SND1: variants seen among roughly 807,000 people sequenced by gnomAD.
SND1 encodes the protein staphylococcal nuclease domain-containing protein 1.
In SND1, 38 loss-of-function variants were observed where a neutral mutation model predicts 121.7. That is an observed-to-expected ratio of 0.31 (90% CI 0.24 to 0.41). The LOEUF is 0.41. SND1 is among the 10% of genes least tolerant of loss of function. The pLI is 1.00. For synonymous variants in SND1, 401 were observed against 447.4 expected (o/e 0.90, Z 1.31); for missense variants, 868 against 1,184.6 (o/e 0.73, Z 3.92).
chr7:127,690,388 C>T (rs1000812180), intron 2 of SND1, among the ~76,000 whole-genome samples: 1 of 152,206 alleles, frequency 6.6e-6, no homozygotes, highest in Non-Finnish European at 1.5e-5. Flanking sequence ...TGGGGTCCTG[C>T]CTTCTGCCCT....
In SND1 at chr7:127,866,053, G is replaced by A. The variant is rs565512951; in HGVS notation, c.1343+21629G>A. 4.7e-4 allele frequency among the ~76,000 whole-genome samples: 71 copies of A among 152,008 alleles called. 1 individual carries two copies. The South Asian group carries it at 0.014, about 30-fold the overall frequency. ...TCCAGTGTGCCCAAGAATCACCTGT[G>A]TAGTTTATTAAAATACAACCTAAGC... On this transcript the variant is annotated intron_variant, in intron 12 of 23. Transcript: ENST00000354725.
intron 10 of SND1, among the ~76,000 whole-genome samples, chr7:127,792,431 CAGAA>C (rs1797927282): frequency 6.6e-6 from 1 of 152,052 alleles, no homozygotes; most frequent in Admixed American, 6.5e-5. Context: ...AGTAAGGAGA[CAGAA>C]AGCACACCAG....
intron 16 of SND1, among the ~76,000 whole-genome samples, chr7:128,019,189 C>A (rs912443316): frequency 1.3e-5 from 2 of 152,184 alleles, no homozygotes; most frequent in African/African-American, 4.8e-5. Flanking sequence ...GAGAATCTGC[C>A]CATGATGGGT....
chr7:127,968,762 G>GC, intron 15 of SND1, among the ~76,000 whole-genome samples: 1 of 152,274 alleles, frequency 6.6e-6, no homozygotes, highest in South Asian at 2.1e-4. Context: ...ACTGGCTTGT[G>GC]CTCTCCCAAG....
At chr7:127,928,558 T>G (rs1800896304) in intron 14 of SND1, among the ~76,000 whole-genome samples, 1 of 150,738 alleles carries the variant, frequency 6.6e-6, no homozygotes, top group Non-Finnish European at 1.5e-5. Context: ...AGGTTAGTAC[T>G]GGTCTTCTTA....
At chr7:128,083,447 C>T (rs1394145627) in intron 18 of SND1, among the ~76,000 whole-genome samples, 1 of 152,256 alleles carries the variant, frequency 6.6e-6, no homozygotes, top group Non-Finnish European at 1.5e-5. Flanking sequence ...CTTCAGGCCT[C>T]TGTCGTGTGG....
At chr7:127,766,975 A>G (rs1048156280) in intron 10 of SND1, among the ~76,000 whole-genome samples, 1 of 151,810 alleles carries the variant, frequency 6.6e-6, no homozygotes, top group Non-Finnish European at 1.5e-5. Context: ...TATAGCCTCT[A>G]TAAATAACAA....
At chr7:128,071,915 G>A (rs1793419657) in intron 16 of SND1, among the ~76,000 whole-genome samples, 1 of 152,214 alleles carries the variant, frequency 6.6e-6, no homozygotes, top group African/African-American at 2.4e-5. Context: ...GCGGCTGGCT[G>A]GGCCCAGGGA....
chr7:127,744,647 C>T (rs1414143664), intron 10 of SND1, among the ~76,000 whole-genome samples: 1 of 152,178 alleles, frequency 6.6e-6, no homozygotes, highest in Non-Finnish European at 1.5e-5. Context: ...ATCATATTTT[C>T]CCTTTTTTGT....
intron 15 of SND1, among the ~76,000 whole-genome samples, chr7:127,983,471 C>G (rs1369569966): frequency 6.6e-6 from 1 of 152,104 alleles, no homozygotes. Context: ...AAGATGAAAA[C>G]TAGATGAGAT....
chr7:127,849,672 T>G (rs1799130125), intron 12 of SND1, among the ~76,000 whole-genome samples: 1 of 152,240 alleles, frequency 6.6e-6, no homozygotes, highest in Non-Finnish European at 1.5e-5. Context: ...GGCACAGAGA[T>G]GGAACCTTGA....
chr7:128,017,702 A>G (rs928710709), intron 16 of SND1, among the ~76,000 whole-genome samples: 2 of 152,126 alleles, frequency 1.3e-5, no homozygotes, highest in Admixed American at 1.3e-4. Context: ...GGGGGGGCAA[A>G]CTCTTTACCC....
intron 11 of SND1, among the ~76,000 whole-genome samples, chr7:127,831,393 G>T (rs1307707941): frequency 6.6e-6 from 1 of 152,216 alleles, no homozygotes; most frequent in East Asian, 1.9e-4. Flanking sequence ...GTATTAGATT[G>T]TCAGTGATCA....
chr7:127,698,274 T>C lies in SND1; in HGVS notation c.350-601T>C, dbSNP rs185745755. 1.3e-3 allele frequency among the ~76,000 whole-genome samples: 197 copies of C among 152,344 alleles called. 1 individual carries two copies. The highest frequency in any genetic ancestry group is 4.6e-3 in the African/African-American group (192 of 41,588). ...GACATCCCTGAGAGGAATTGGACTT[T>C]CTGGCATAACGTGTGATAGCCAGCC... is the stretch of plus-strand genomic sequence containing the variant. On this transcript the variant is annotated intron_variant, in intron 3 of 23. Transcript: ENST00000354725.
At chr7:127,872,198 T>G (rs1201480956) in intron 12 of SND1, among the ~76,000 whole-genome samples, 1 of 152,150 alleles carries the variant, frequency 6.6e-6, no homozygotes, top group Non-Finnish European at 1.5e-5. Context: ...ATCTAGCATC[T>G]CATTTTATAG....
At chr7:127,884,809 AC>A (rs1478842551) in intron 12 of SND1, among the ~76,000 whole-genome samples, 3 of 151,990 alleles carry the variant, frequency 2.0e-5, no homozygotes, top group Non-Finnish European at 4.4e-5. Flanking sequence ...TCACACAAAT[AC>A]CTAAAATTCC....
chr7:127,710,542 T>C (rs1007847693), intron 9 of SND1, among the ~76,000 whole-genome samples: 3 of 152,226 alleles, frequency 2.0e-5, no homozygotes, highest in African/African-American at 7.2e-5. Flanking sequence ...GGCAGCCACT[T>C]TGAATAGCAC....
chr7:128,041,186 G>A (rs1449266263), intron 16 of SND1, among the ~76,000 whole-genome samples: 1 of 152,146 alleles, frequency 6.6e-6, no homozygotes, highest in Non-Finnish European at 1.5e-5. Context: ...TATAATCCTA[G>A]CACTACAGGA....
chr7:127,861,777 G>T (rs937309783), intron 12 of SND1, among the ~76,000 whole-genome samples: 2 of 152,100 alleles, frequency 1.3e-5, no homozygotes, highest in African/African-American at 4.8e-5. Flanking sequence ...GGCCTTATTT[G>T]TTTTTTAATT....
Sources: allele counts gnomAD v4.1 joint callset (sites outside exome capture counted in the v4.1 genomes callset), GRCh38; gene constraint gnomAD v4.1.1; transcripts MANE v1.5; gene names NCBI Gene and HGNC (gene_info 2026-07-23, HGNC 2026-07-21).